GRID2: variants seen among roughly 807,000 people sequenced by gnomAD.
GRID2 encodes the protein glutamate ionotropic receptor delta type subunit 2.
GRID2 carries 33 observed loss-of-function variants against 114.8 expected under a neutral mutation model. That is an observed-to-expected ratio of 0.29 (90% CI 0.22 to 0.38). The LOEUF is 0.38. GRID2 is among the 10% of genes least tolerant of loss of function. The pLI is 1.00. For missense variants in GRID2, 1,184 were observed against 1,257.7 expected (o/e 0.94, Z 0.89); for synonymous variants, 505 against 449.9 (o/e 1.12, Z -1.55).
At chr4:93,369,444 A>G (rs1026576907) in intron 8 of GRID2, among the ~76,000 whole-genome samples, 1 of 152,204 alleles carries the variant, frequency 6.6e-6, no homozygotes, top group Non-Finnish European at 1.5e-5. Flanking sequence ...CTGGGTGACC[A>G]TGATTTAACC....
chr4:93,034,732 A>C (rs1258412235), intron 2 of GRID2, among the ~76,000 whole-genome samples: 2 of 152,258 alleles, frequency 1.3e-5, no homozygotes, highest in Non-Finnish European at 2.9e-5. Flanking sequence ...CCAATGTTTC[A>C]ACAGAAAAAA....
intron 1 of GRID2, among the ~76,000 whole-genome samples, chr4:93,785,910 G>A (rs1578794617): frequency 6.6e-6 from 1 of 152,176 alleles, no homozygotes; most frequent in Non-Finnish European, 1.5e-5. Context: ...GCTTGTAATT[G>A]ACATCATGGA....
chr4:93,694,236 A>G (rs1270491874), intron 14 of GRID2, among the ~76,000 whole-genome samples: 5 of 152,108 alleles, frequency 3.3e-5, no homozygotes, highest in African/African-American at 1.2e-4. Flanking sequence ...AAACACTGCT[A>G]TGGCTCCTCC....
intron 1 of GRID2, among the ~76,000 whole-genome samples, chr4:92,436,931 A>C (rs976976599): frequency 6.6e-6 from 1 of 152,168 alleles, no homozygotes; most frequent in Non-Finnish European, 1.5e-5. Flanking sequence ...TGAATGCTTT[A>C]TGTACTAAAT....
chr4:92,971,563 C>T (rs923156122), intron 2 of GRID2, among the ~76,000 whole-genome samples: 1 of 152,010 alleles, frequency 6.6e-6, no homozygotes, highest in Non-Finnish European at 1.5e-5. Flanking sequence ...ATCCTCTTTT[C>T]TAGCTTTTCA....
At chr4:93,687,909 G>T (rs1726217030) in intron 14 of GRID2, among the ~76,000 whole-genome samples, 1 of 151,958 alleles carries the variant, frequency 6.6e-6, no homozygotes, top group South Asian at 2.1e-4. Flanking sequence ...GAGAGGCAAA[G>T]ACGGATATAG....
chr4:93,697,862 A>AATGT (rs1200582993), intron 14 of GRID2, among the ~76,000 whole-genome samples: 3 of 52,984 alleles, frequency 5.7e-5, no homozygotes, highest in Non-Finnish European at 1.0e-4. Flanking sequence ...GTCATTCCAC[A>AATGT]ATGTGTGTAT....
chr4:93,292,932 C>T (rs541086089), intron 8 of GRID2, among the ~76,000 whole-genome samples: 3 of 152,236 alleles, frequency 2.0e-5, no homozygotes, highest in East Asian at 1.9e-4. Flanking sequence ...TTAACAGCCC[C>T]GGAGATGTCC....
At chr4:93,682,754 G>C (rs2110095782) in intron 14 of GRID2, among the ~76,000 whole-genome samples, 1 of 149,262 alleles carries the variant, frequency 6.7e-6, no homozygotes, top group East Asian at 2.0e-4. Context: ...ACACAGGAAG[G>C]GGAACATCAC....
chr4:93,005,727 A>G (rs559160688), intron 2 of GRID2, among the ~76,000 whole-genome samples: 2 of 152,220 alleles, frequency 1.3e-5, no homozygotes. Flanking sequence ...ATTAAAAGGA[A>G]TGATACACTG....
At chr4:92,948,148 C>T (rs1751778456) in intron 2 of GRID2, among the ~76,000 whole-genome samples, 2 of 151,692 alleles carry the variant, frequency 1.3e-5, no homozygotes, top group Admixed American at 6.6e-5. Context: ...TTTCATTTTA[C>T]ATTTTAAAGT....
chr4:92,695,203 C>T (rs935470766), intron 2 of GRID2, among the ~76,000 whole-genome samples: 6 of 151,962 alleles, frequency 3.9e-5, no homozygotes, highest in Admixed American at 6.6e-5. Context: ...TGGGCTTAAG[C>T]GACACACCTG....
chr4:92,583,835 AATAT>A (rs1327629009), intron 1 of GRID2, among the ~76,000 whole-genome samples: 3 of 150,240 alleles, frequency 2.0e-5, no homozygotes, highest in Non-Finnish European at 4.4e-5. Flanking sequence ...GTGTAATATA[AATAT>A]ATAAACATGA....
At chr4:93,386,409 TA>T (rs1364381232) in intron 8 of GRID2, among the ~76,000 whole-genome samples, 1 of 152,150 alleles carries the variant, frequency 6.6e-6, no homozygotes, top group East Asian at 1.9e-4. Context: ...CTCATAAATA[TA>T]AGTCTTCAGT....
In GRID2 at chr4:92,613,080, A is replaced by G. The variant is rs559185696; in HGVS notation, c.244+22794A>G. The stretch of plus-strand genomic sequence containing the variant: ...ATATTTTCCAAAGATGCTATTTATC[A>G]TGTTGAAGAAATTTCCTAATACTCA... On this transcript the variant is annotated intron_variant, in intron 2 of 15. Transcript: ENST00000282020. Among the ~76,000 whole-genome samples, 16 of 151,518 alleles carry G rather than the reference A, an allele frequency of 1.1e-4. No homozygotes were observed. In the East Asian group the frequency reaches 2.5e-3, roughly 24 times the overall value.
chr4:93,477,392 T>C (rs1725421370), intron 11 of GRID2, among the ~76,000 whole-genome samples: 1 of 152,112 alleles, frequency 6.6e-6, no homozygotes, highest in South Asian at 2.1e-4. Flanking sequence ...CGTTCTGCTT[T>C]GTGCTAAACC....
intron 2 of GRID2, among the ~76,000 whole-genome samples, chr4:93,068,741 A>C (rs1912718): frequency 0.42 from 63,441 of 151,712 alleles, 13,668 homozygotes; most frequent in Middle Eastern, 0.54. Flanking sequence ...CCTCTTTTCT[A>C]TTCTGCGGGG....
intron 6 of GRID2, 133 bp downstream of exon 6, chr4:93,217,044 G>A (rs1025989206): frequency 1.7e-6 from 1 of 583,052 alleles, no homozygotes; most frequent in Non-Finnish European, 3.0e-6. Flanking sequence ...AATTTCATAA[G>A]TCTAATGGGG....
intron 14 of GRID2, among the ~76,000 whole-genome samples, chr4:93,665,217 G>A (rs1412764786): frequency 1.3e-5 from 2 of 152,106 alleles, no homozygotes; most frequent in Admixed American, 6.5e-5. Context: ...TAAATCTTCA[G>A]TCAGTTTGGT....
Sources: allele counts gnomAD v4.1 joint callset (sites outside exome capture counted in the v4.1 genomes callset), GRCh38; gene constraint gnomAD v4.1.1; transcripts MANE v1.5; gene names NCBI Gene and HGNC (gene_info 2026-07-23, HGNC 2026-07-21).